The following OTULIN variants were observed in gnomAD, a reference collection of about 807,000 sequenced individuals.
The protein encoded by OTULIN is ubiquitin thioesterase otulin.
A neutral mutation model predicts 39.6 loss-of-function variants in OTULIN; 15 were observed. That is an observed-to-expected ratio of 0.38 (90% CI 0.25 to 0.58). OTULIN has a LOEUF of 0.58. OTULIN is among the 20% of genes least tolerant of loss of function. The pLI is 0.66. For missense variants in OTULIN, 319 were observed against 445.9 expected, an observed-to-expected ratio of 0.72 and a Z score of 2.56; for synonymous variants, 156 against 170.3, an observed-to-expected ratio of 0.92 and a Z score of 0.65.
chr5:14,680,437 A>T (rs1361187090), intron 3 of OTULIN, among the ~76,000 whole-genome samples: 1 of 152,202 alleles, frequency 6.6e-6, no homozygotes, highest in Non-Finnish European at 1.5e-5. Flanking sequence ...TGAGGGTAAC[A>T]CTTCTTTCTT....
At chr5:14,671,387 T>A (rs1286031452) in intron 1 of OTULIN, among the ~76,000 whole-genome samples, 2 of 152,244 alleles carry the variant, frequency 1.3e-5, no homozygotes, top group East Asian at 3.8e-4. Context: ...ATGAGAAAAC[T>A]GAGGCCGTGG....
In OTULIN at chr5:14,687,546, A is replaced by G; in HGVS notation, c.494A>G (p.Tyr165Cys). 6.2e-7 allele frequency: 1 copy of G among 1,613,612 alleles called. No individual in the cohort carries two copies. The highest frequency in any genetic ancestry group is 8.5e-7 in the Non-Finnish European group (1 of 1,179,860). ...MLLPEKLISK[Y>C]NWIKQWKLGL... ...TTACCAGAAAAACTCATAAGCAAAT[A>G]CAACTGGATCAAGCAATGGAAACTT... is the stretch of plus-strand genomic sequence containing the variant. The change falls in exon 5 of 7, where the codon TAC becomes TGC. Residue 165 changes from tyrosine (Y) to cysteine (C), a missense_variant. Physicochemically the swap from Tyr to Cys is radical, Grantham distance 194. Transcript: ENST00000284274.
intron 1 of OTULIN, among the ~76,000 whole-genome samples, chr5:14,666,045 T>A (rs767890185): frequency 4.6e-5 from 7 of 152,116 alleles, no homozygotes; most frequent in Non-Finnish European, 7.4e-5. Flanking sequence ...AAATAGAGGG[T>A]CTCTTGCCCC....
rs1340712549 is a variant in OTULIN at position 14,695,544 on chromosome 5, A to T, written c.*2496A>T. The T allele has an allele frequency of 6.6e-6, 1 of 152,274 alleles. No individual in the cohort carries two copies. The highest frequency in any genetic ancestry group is 2.4e-5 in the African/African-American group (1 of 41,478). 9.4% of individuals were successfully genotyped at this position (152,274 alleles called of 1,614,324 possible). On this transcript the variant is annotated 3_prime_UTR_variant, in exon 7 of 7. Coordinates refer to ENST00000284274, the MANE Select transcript of OTULIN (RefSeq NM_138348.6). ...GACCCTGTGTATTGGCAGAAAAGTT[A>T]TCTCCATCTTAAGCAGGCATGACTT...
Position 14,687,252 on chromosome 5 carries a change from C to T in OTULIN, c.469-269C>T, listed in dbSNP as rs465090. 3.6e-3 allele frequency among the ~76,000 whole-genome samples: 546 copies of T among 152,180 alleles called. 3 individuals carry two copies. The highest frequency in any genetic ancestry group is 9.8e-3 in the African/African-American group (406 of 41,530). On this transcript the variant is annotated intron_variant, in intron 4 of 6. Coordinates refer to ENST00000284274, the MANE Select transcript of OTULIN (RefSeq NM_138348.6). ...CATGGCCTGCTGTGGAATGTCCTGG[C>T]CGTGGTTGGAGTCCTGCAAGGCAGA...
intron 1 of OTULIN, among the ~76,000 whole-genome samples, chr5:14,670,097 A>C (rs766176842): frequency 5.9e-5 from 9 of 152,192 alleles, no homozygotes; most frequent in Non-Finnish European, 1.0e-4. Flanking sequence ...ACTGCCAGAA[A>C]ATCAAGTCAT....
chr5:14,670,793 G>A (rs933684675), intron 1 of OTULIN, among the ~76,000 whole-genome samples: 16 of 151,524 alleles, frequency 1.1e-4, no homozygotes, highest in African/African-American at 3.9e-4. Context: ...TTTTGTAGAG[G>A]CGGGGTCTTG....
Position 14,699,623 on chromosome 5 carries a change from C to T in OTULIN, c.*6575C>T, listed in dbSNP as rs1410107133. 6.6e-6 allele frequency: 1 copy of T among 152,246 alleles called. No individual in the cohort carries two copies. Among genetic ancestry groups the T allele is most frequent in the Non-Finnish European group, 1.5e-5 (1 of 68,070 alleles). 9.4% of individuals were successfully genotyped at this position (152,246 alleles called of 1,614,324 possible). A position where few individuals can be genotyped will look rare whatever the true frequency, so the allele number is the denominator to read the frequency against. ...AATTTCCTTTTCCACCGCCTTTTCC[C>T]ACTCAAGAAAGTGGAGAGAAAAACA... On this transcript the variant is annotated 3_prime_UTR_variant, in exon 7 of 7. Transcript: ENST00000284274.
chr5:14,702,083 C>T (rs565541938), downstream of OTULIN, among the ~76,000 whole-genome samples: 6 of 152,242 alleles, frequency 3.9e-5, no homozygotes, highest in East Asian at 1.9e-4. Flanking sequence ...CCCCCTGAGC[C>T]GAGCTGCTGG....
rs375739248 is a variant in OTULIN, at chr5:14,696,325, T to G, written c.*3277T>G. ...ACTAAAGTACAGTTGGATCATTTTC[T>G]TATCTCCTTTTCTTAAGCAGTACTT... On this transcript the variant is annotated 3_prime_UTR_variant, in exon 7 of 7. Transcript: ENST00000284274. The G allele has an allele frequency of 2.0e-5, 3 of 152,372 alleles. No homozygotes were observed. The highest frequency in any genetic ancestry group is 4.1e-4 in the South Asian group (2 of 4,832). The allele number at this position is 152,372 out of a possible 1,614,324, so 9.4% of individuals were successfully genotyped here.
At chr5:14,689,554 G>A (rs16903654) in intron 5 of OTULIN, among the ~76,000 whole-genome samples, 2,213 of 152,246 alleles carry the variant, frequency 0.015, 51 homozygotes, top group African/African-American at 0.051. Flanking sequence ...TATTTTTGAG[G>A]TTAGAGGGAT....
At chr5:14,674,902 C>T (rs1338027182) in intron 2 of OTULIN, among the ~76,000 whole-genome samples, 1 of 152,204 alleles carries the variant, frequency 6.6e-6, no homozygotes, top group Non-Finnish European at 1.5e-5. Context: ...GTGAATGCAG[C>T]AGTCTTTTTT....
chr5:14,682,996 T>TA (rs1224247221), intron 4 of OTULIN, among the ~76,000 whole-genome samples: 1 of 152,158 alleles, frequency 6.6e-6, no homozygotes, highest in Non-Finnish European at 1.5e-5. Flanking sequence ...TAGAGGTCTT[T>TA]TAGGTGGATG....
chr5:14,705,297 AT>A, the OTULIN span: 2 of 152,190 alleles, frequency 1.3e-5, no homozygotes, highest in East Asian at 1.9e-4. Flanking sequence ...AAAAAAAAAA[AT>A]CTAGATCACT....
chr5:14,681,872 C>G (rs1736260256), intron 4 of OTULIN, among the ~76,000 whole-genome samples: 1 of 152,154 alleles, frequency 6.6e-6, no homozygotes, highest in Non-Finnish European at 1.5e-5. Context: ...CACTTAGGAA[C>G]AGTTCGATTT....
intron 4 of OTULIN, among the ~76,000 whole-genome samples, chr5:14,683,759 C>G (rs946770022): frequency 1.3e-5 from 2 of 152,194 alleles, no homozygotes; most frequent in East Asian, 3.8e-4. Context: ...TATGGACTTA[C>G]TTGACACTAA....
At chr5:14,691,136 T>C (rs1051196024) in intron 6 of OTULIN, among the ~76,000 whole-genome samples, 1 of 152,246 alleles carries the variant, frequency 6.6e-6, no homozygotes, top group African/African-American at 2.4e-5. Context: ...CTATCTTTGA[T>C]GTGTTCATTT....
At chr5:14,676,193 T>G (rs1407507412) in intron 2 of OTULIN, among the ~76,000 whole-genome samples, 1 of 152,236 alleles carries the variant, frequency 6.6e-6, no homozygotes, top group Non-Finnish European at 1.5e-5. Flanking sequence ...AGATGAAGCC[T>G]CTTGGTTATT....
downstream of OTULIN, among the ~76,000 whole-genome samples, chr5:14,704,621 A>G (rs1032770997): frequency 6.6e-6 from 1 of 152,236 alleles, no homozygotes; most frequent in Admixed American, 6.5e-5. Context: ...CAGGGAGTTT[A>G]GAGAAATTTC....
Sources: gnomAD v4.1 joint callset for allele counts (sites outside exome capture counted in the v4.1 genomes callset) on GRCh38, gnomAD v4.1.1 for gene constraint, MANE v1.5 for transcripts, NCBI Gene and HGNC (gene_info 2026-07-23, HGNC 2026-07-21) for gene names.